Variants in PTH2R observed in about 807,000 individuals in gnomAD.
The protein encoded by PTH2R is parathyroid hormone 2 receptor, also known as PTH2 receptor.
PTH2R carries 59 observed loss-of-function variants against 60.3 expected under a neutral mutation model. The observed-to-expected ratio is 0.98, with a 90% CI of 0.79 to 1.22. The LOEUF (loss-of-function observed/expected upper bound fraction) is 1.22, where lower values mean the gene tolerates loss of function less well. PTH2R is among the 50% of genes most tolerant of loss of function. PTH2R has a pLI of 0.00. For missense variants in PTH2R, 749 were observed against 682.6 expected (o/e 1.10, Z -1.08); for synonymous variants, 256 against 243.8 (o/e 1.05, Z -0.47).
intron 1 of PTH2R, among the ~76,000 whole-genome samples, chr2:208,376,891 T>A (rs948108817): frequency 2.6e-5 from 4 of 151,976 alleles, no homozygotes; most frequent in Admixed American, 1.3e-4. Flanking sequence ...AATTTTTTTT[T>A]ATTGATCATT....
intron 1 of PTH2R, among the ~76,000 whole-genome samples, chr2:208,365,400 T>C (rs757827030): frequency 1.3e-5 from 2 of 152,110 alleles, no homozygotes; most frequent in African/African-American, 2.4e-5. Context: ...TGAAAGGATA[T>C]TGAATTTTGC....
intron 1 of PTH2R, among the ~76,000 whole-genome samples, chr2:208,363,208 T>C (rs1235542426): frequency 6.6e-6 from 1 of 151,844 alleles, no homozygotes; most frequent in Non-Finnish European, 1.5e-5. Flanking sequence ...GGCCCCAGTG[T>C]TTATTGTTCC....
At chr2:208,460,547 G>GA (rs2105888185) in intron 9 of PTH2R, among the ~76,000 whole-genome samples, 1 of 152,242 alleles carries the variant, frequency 6.6e-6, no homozygotes, top group East Asian at 1.9e-4. Context: ...ATAATAGGGA[G>GA]AAAGACCACA....
intron 1 of PTH2R, among the ~76,000 whole-genome samples, chr2:208,389,069 T>G (rs1394100923): frequency 6.6e-6 from 1 of 152,150 alleles, no homozygotes; most frequent in East Asian, 1.9e-4. Flanking sequence ...GTTCATATTG[T>G]GAAGATGTTT....
chr2:208,437,939 C>T (rs191706159), intron 4 of PTH2R, 58 bp downstream of exon 4: 70 of 1,567,392 alleles, frequency 4.5e-5, no homozygotes, highest in African/African-American at 3.0e-4. Context: ...TATTTTAATG[C>T]AATTCTCAAT....
intron 1 of PTH2R, among the ~76,000 whole-genome samples, chr2:208,396,565 T>C (rs2125885517): frequency 6.6e-6 from 1 of 152,334 alleles, no homozygotes; most frequent in East Asian, 1.9e-4. Context: ...ATGCTCATCA[T>C]CACTGGCCAT....
chr2:208,471,174 A>G (rs1285513219), intron 9 of PTH2R, among the ~76,000 whole-genome samples: 2 of 152,242 alleles, frequency 1.3e-5, no homozygotes, highest in South Asian at 4.1e-4. Context: ...TTGCAGCCTG[A>G]CAATGCAATA....
chr2:208,455,548 G>A (rs1054295894), intron 8 of PTH2R, among the ~76,000 whole-genome samples: 3 of 152,064 alleles, frequency 2.0e-5, no homozygotes, highest in Non-Finnish European at 4.4e-5. Context: ...TTGGATGAAG[G>A]GTCATTTTAT....
At chr2:208,459,986 A>G in intron 9 of PTH2R, 25 bp downstream of exon 9, 1 of 1,595,950 alleles carries the variant, frequency 6.3e-7, no homozygotes, top group Non-Finnish European at 8.6e-7. Flanking sequence ...TTGTATAGTT[A>G]AAAAAGGGAT....
At chr2:208,485,928 G>C (rs1319091060) in intron 10 of PTH2R, among the ~76,000 whole-genome samples, 1 of 152,216 alleles carries the variant, frequency 6.6e-6, no homozygotes, top group East Asian at 1.9e-4. Context: ...CTTTGAGGAA[G>C]CAATCTGACA....
At chr2:208,461,399 T>C (rs1243370424) in intron 9 of PTH2R, among the ~76,000 whole-genome samples, 1 of 152,154 alleles carries the variant, frequency 6.6e-6, no homozygotes, top group Non-Finnish European at 1.5e-5. Flanking sequence ...AATCCTTATT[T>C]ATACTTTTAA....
chr2:208,489,711 A>G (rs934127305), intron 11 of PTH2R, among the ~76,000 whole-genome samples: 1 of 152,180 alleles, frequency 6.6e-6, no homozygotes, highest in Non-Finnish European at 1.5e-5. Flanking sequence ...ATACTCAAAG[A>G]TTTCCAGTTG....
chr2:208,480,646 C>G (rs1318386909), intron 9 of PTH2R, among the ~76,000 whole-genome samples: 1 of 152,178 alleles, frequency 6.6e-6, no homozygotes, highest in Non-Finnish European at 1.5e-5. Flanking sequence ...CAATACTTTT[C>G]ATACATCATA....
intron 9 of PTH2R, among the ~76,000 whole-genome samples, chr2:208,461,836 T>G (rs1702640722): frequency 6.6e-6 from 1 of 152,228 alleles, no homozygotes; most frequent in Admixed American, 6.5e-5. Flanking sequence ...TAACTTGTAA[T>G]GTGAAACAGT....
chr2:208,378,239 G>GGA (rs1700845664), intron 1 of PTH2R, among the ~76,000 whole-genome samples: 1 of 149,572 alleles, frequency 6.7e-6, no homozygotes, highest in Admixed American at 6.7e-5. Flanking sequence ...CAGGCGTGGC[G>GGA]GCGCGCACCT....
intron 8 of PTH2R, among the ~76,000 whole-genome samples, chr2:208,459,454 T>A (rs991984455): frequency 3.3e-5 from 5 of 152,202 alleles, no homozygotes; most frequent in African/African-American, 1.2e-4. Context: ...ATAACTTGCA[T>A]TATTGTAAGG....
At chr2:208,375,667 G>A (rs972811902) in intron 1 of PTH2R, among the ~76,000 whole-genome samples, 1 of 152,100 alleles carries the variant, frequency 6.6e-6, no homozygotes, top group Non-Finnish European at 1.5e-5. Flanking sequence ...CAGCCTGTGA[G>A]GTGATGTGAT....
intron 1 of PTH2R, among the ~76,000 whole-genome samples, chr2:208,363,955 C>T (rs1700530257): frequency 6.6e-6 from 1 of 152,052 alleles, no homozygotes; most frequent in Non-Finnish European, 1.5e-5. Context: ...TCTCCCATTC[C>T]ATAGGTTGTT....
intron 9 of PTH2R, among the ~76,000 whole-genome samples, chr2:208,469,681 G>T (rs376145964): frequency 5.9e-5 from 9 of 152,256 alleles, no homozygotes; most frequent in South Asian, 2.1e-4. Context: ...AGAGTCATTG[G>T]AAAATACTAA....
Sources: gnomAD v4.1 joint callset for allele counts (sites outside exome capture counted in the v4.1 genomes callset) on GRCh38, gnomAD v4.1.1 for gene constraint, MANE v1.5 for transcripts, NCBI Gene and HGNC (gene_info 2026-07-23, HGNC 2026-07-21) for gene names.